Variants in SHC1 observed in about 807,000 individuals in gnomAD.
SHC1 encodes the protein SHC-transforming protein 1.
A neutral mutation model predicts 55.9 loss-of-function variants in SHC1; 30 were observed. The ratio of observed to expected loss-of-function variants is 0.54; its 90% CI spans 0.40 to 0.73. SHC1 has a LOEUF of 0.73. Among genes scored for constraint, SHC1 ranks in the 30% least tolerant of loss-of-function variants. SHC1 has a pLI of 0.00. For synonymous variants in SHC1, 309 were observed against 306.1 expected (o/e 1.01, Z -0.10); for missense variants, 675 against 777.1 (o/e 0.87, Z 1.56).
rs1655876123 is a variant in SHC1, at chr1:154,965,743, G to A, written c.1426C>T (p.Gln476Ter). Residue 476 changes from glutamine to a stop codon, truncating the protein, a stop_gained, in exon 11 of 12, where the codon CAG (glutamine) becomes TAG (stop). Transcript: ENST00000448116. LOFTEE classifies it high-confidence loss of function. ...AGCTGCTCAGCCATGGACACCGACT[G>A]GGGAGGTGGAGGCACGCGAAGAGCA... ...EDALRVPPPP[Q>*]SVSMAEQLRG... 3.7e-6 allele frequency: 6 copies of A among 1,613,994 alleles called. No individual in the cohort carries two copies. The highest frequency in any genetic ancestry group is 5.1e-6 in the Non-Finnish European group (6 of 1,179,904).
intron 5 of SHC1, 78 bp from the exon 6 acceptor site, chr1:154,968,109 C>T (rs1455359208): frequency 1.3e-6 from 2 of 1,590,946 alleles, no homozygotes; most frequent in Admixed American, 3.3e-5. Flanking sequence ...CAGATATCCC[C>T]ACAATCCTAG....
In SHC1 at chr1:154,968,482, C is replaced by T; in HGVS notation, c.750+13G>A. ...CATCAGTGTTTCTGGTCCGTCTGCC[C>T]ACCTTCACCAACCTGTTTGCAGTCT... is the stretch of plus-strand genomic sequence containing the variant. On this transcript the variant is annotated intron_variant, in intron 4 of 11. Coordinates refer to ENST00000448116, the MANE Select transcript of SHC1 (RefSeq NM_001130040.2). The T allele has an allele frequency of 6.2e-7, 1 of 1,613,922 alleles. No individual in the cohort carries two copies.
upstream of SHC1, chr1:154,973,303 G>C (rs1656921333): frequency 6.6e-6 from 1 of 152,184 alleles, no homozygotes; most frequent in Non-Finnish European, 1.5e-5. Flanking sequence ...CTGAGGTCAG[G>C]AGTTCGAGGC....
chr1:154,968,914 G>C, intron 2 of SHC1, 80 bp from the exon 3 acceptor site: 2 of 1,322,078 alleles, frequency 1.5e-6, no homozygotes, highest in Non-Finnish European at 2.2e-6. Flanking sequence ...GGCTGGGGGA[G>C]GGGAAAGCCA....
At chr1:154,964,421 T>G (rs780553069) in intron 11 of SHC1, 14 of 371,420 alleles carry the variant, frequency 3.8e-5, no homozygotes, top group Non-Finnish European at 7.4e-5. Flanking sequence ...CACCGCAGCC[T>G]GAGTGACAAA....
At chr1:154,974,074 A>C (rs1203897416), upstream of SHC1, among the ~76,000 whole-genome samples, 1 of 152,044 alleles carries the variant, frequency 6.6e-6, no homozygotes, top group African/African-American at 2.4e-5. Flanking sequence ...TCGGAGACAA[A>C]AAATAAAAAT....
intron 7 of SHC1, among the ~76,000 whole-genome samples, chr1:154,967,063 T>TG (rs1656081864): frequency 6.6e-6 from 1 of 152,088 alleles, no homozygotes; most frequent in African/African-American, 2.4e-5. Flanking sequence ...GAGCTGTGAT[T>TG]GTACCACTGA....
At chr1:154,963,954 G>C in intron 11 of SHC1, 23 bp from the exon 12 acceptor site, 1 of 1,613,534 alleles carries the variant, frequency 6.2e-7, no homozygotes, top group South Asian at 1.1e-5. Flanking sequence ...GAAGGAAGAA[G>C]GTCAATTCAG....
chr1:154,968,735 C>T (rs190052217), intron 3 of SHC1, 36 bp downstream of exon 3: 1 of 1,611,406 alleles, frequency 6.2e-7, no homozygotes, highest in East Asian at 2.2e-5. Flanking sequence ...CTCCACATTT[C>T]CCAGCAGCAT....
At chr1:154,964,091 T>C in intron 11 of SHC1, 160 bp from the exon 12 acceptor site, 1 of 807,292 alleles carries the variant, frequency 1.2e-6, no homozygotes, top group South Asian at 1.4e-5. Context: ...GAGGCTTCTC[T>C]AGAAAGAGAC....
rs772622972 is a variant in SHC1, at chr1:154,965,736, A to G, written c.1433T>C (p.Val478Ala). The G allele has an allele frequency of 1.2e-5, 19 of 1,613,936 alleles. No individual in the cohort carries two copies. Among genetic ancestry groups the G allele is most frequent in the Non-Finnish European group, 1.5e-5 (18 of 1,179,970 alleles). The change falls in exon 11 of 12, where the codon GTG becomes GCG. Residue 478 changes from valine to alanine, a missense_variant. By Grantham distance (64) the Val-to-Ala change is moderately conservative. Coordinates refer to ENST00000448116, the MANE Select transcript of SHC1 (RefSeq NM_001130040.2). ...CCCTCGGAGCTGCTCAGCCATGGAC[A>G]CCGACTGGGGAGGTGGAGGCACGCG... ...ALRVPPPPQS[V>A]SMAEQLRGEP... is the part of the protein sequence containing the mutation.
chr1:154,964,231 C>A (rs758719364), intron 11 of SHC1: 20 of 506,302 alleles, frequency 4.0e-5, no homozygotes, highest in South Asian at 3.1e-4. Context: ...GAAGAGTATA[C>A]ACAGTGCAAA....
upstream of SHC1, among the ~76,000 whole-genome samples, chr1:154,973,009 A>G (rs1656890531): frequency 6.6e-6 from 1 of 152,066 alleles, no homozygotes; most frequent in African/African-American, 2.4e-5. Flanking sequence ...TGCTCATGTC[A>G]CACCCACATG....
chr1:154,969,116 C>G (rs1003158683), intron 2 of SHC1, among the ~76,000 whole-genome samples: 2 of 152,178 alleles, frequency 1.3e-5, no homozygotes, highest in South Asian at 2.1e-4. Flanking sequence ...CCATCTACCC[C>G]CCTTTTCTAC....
chr1:154,970,349 A>C lies in SHC1; in HGVS notation c.178T>G (p.Ser60Ala). Residue 60 changes from serine (S) to alanine (A), a missense_variant, in exon 1 of 12, where the codon TCC (serine) becomes GCC (alanine). By Grantham distance (99) the Ser-to-Ala change is moderately conservative. Coordinates refer to ENST00000448116, the MANE Select transcript of SHC1 (RefSeq NM_001130040.2). This position sits in a 1 kb window ranked among gnomAD's most constrained non-coding sequence, Gnocchi z 5.5. ...AGGTTGCTCATCCGGGGGAAGAAGG[A>C]GCACAGGGTAGTGGGACTATCGTCC... ...PGDDSPTTLC[S>A]FFPRMSNLRL... is the part of the protein sequence containing the mutation. 2 of 1,605,938 alleles carry C rather than the reference A, an allele frequency of 1.2e-6. No homozygotes were observed. Among genetic ancestry groups the C allele is most frequent in the South Asian group, 1.1e-5 (1 of 90,008 alleles).
intron 2 of SHC1, 56 bp from the exon 3 acceptor site, chr1:154,968,890 T>G: frequency 1.3e-5 from 20 of 1,511,100 alleles, no homozygotes; most frequent in African/African-American, 1.4e-5. Flanking sequence ...CCCACTCAAC[T>G]GGGGCTGCCA....
intron 2 of SHC1, 35 bp downstream of exon 2, chr1:154,969,343 C>G: frequency 2.0e-6 from 3 of 1,492,618 alleles, no homozygotes; most frequent in Non-Finnish European, 2.8e-6. Context: ...CTCACTAATC[C>G]CAGGACTCCC....
chr1:154,969,315 T>C, intron 2 of SHC1, 63 bp downstream of exon 2: 2 of 1,151,744 alleles, frequency 1.7e-6, no homozygotes, highest in Non-Finnish European at 2.6e-6. Context: ...CCCACTCCCC[T>C]CCTCTGTTTC....
rs1558052343 is a variant in SHC1, at chr1:154,965,751, G to C, written c.1418C>G (p.Pro473Arg). Residue 473 changes from proline to arginine, a missense_variant, in exon 11 of 12, where the codon CCA becomes CGA. Coordinates refer to ENST00000448116, the MANE Select transcript of SHC1 (RefSeq NM_001130040.2). ...AGCCATGGACACCGACTGGGGAGGT[G>C]GAGGCACGCGAAGAGCATCTTCGAA... ...KPFEDALRVP[P>R]PPQSVSMAEQ... The C allele has an allele frequency of 6.2e-7, 1 of 1,613,742 alleles. No homozygotes were observed. Among genetic ancestry groups the C allele is most frequent in the African/African-American group, 1.3e-5 (1 of 74,906 alleles).
Sources: allele counts gnomAD v4.1 joint callset (sites outside exome capture counted in the v4.1 genomes callset), GRCh38; gene constraint gnomAD v4.1.1; non-coding constraint Gnocchi (gnomAD v3.1); transcripts MANE v1.5; gene names NCBI Gene and HGNC (gene_info 2026-07-23, HGNC 2026-07-21).